WIF1: variants seen among roughly 807,000 people sequenced by gnomAD.
The protein encoded by WIF1 is Wnt inhibitory factor 1.
A neutral mutation model predicts 53.5 loss-of-function variants in WIF1; 35 were observed. That is an observed-to-expected ratio of 0.65 (90% confidence interval 0.50 to 0.87). WIF1 has a LOEUF of 0.87. Among genes scored for constraint, WIF1 ranks in the 40% least tolerant of loss-of-function variants. WIF1 has a pLI of 0.00. For synonymous variants in WIF1, 171 were observed against 170.4 expected, an observed-to-expected ratio of 1.00 and a Z score of -0.03; for missense variants, 467 against 476.8, an observed-to-expected ratio of 0.98 and a Z score of 0.19.
At chr12:65,062,722 C>T (rs1424275902) in intron 6 of WIF1, 146 bp from the exon 7 acceptor site, 2 of 731,866 alleles carry the variant, frequency 2.7e-6, no homozygotes, top group African/African-American at 1.8e-5. Flanking sequence ...TTTACAAATA[C>T]AAAATTTGTA....
At chr12:65,080,139 A>G (rs896577661) in intron 2 of WIF1, among the ~76,000 whole-genome samples, 5 of 152,178 alleles carry the variant, frequency 3.3e-5, no homozygotes, top group African/African-American at 1.2e-4. Context: ...CCATACTTGA[A>G]GTTAATTGAG....
chr12:65,076,739 C>T (rs188915222), intron 3 of WIF1, among the ~76,000 whole-genome samples: 4 of 152,028 alleles, frequency 2.6e-5, no homozygotes, highest in Admixed American at 2.6e-4. Context: ...TGTGATATTG[C>T]TATAGTCAAA....
chr12:65,092,708 G>A (rs141912826), intron 2 of WIF1, among the ~76,000 whole-genome samples: 1,566 of 152,016 alleles, frequency 0.01, 18 homozygotes, highest in Middle Eastern at 0.024. Context: ...TAAAAATAGC[G>A]AAGAGGCCAG....
chr12:65,080,521 G>A (rs1882930476), intron 2 of WIF1, among the ~76,000 whole-genome samples: 1 of 152,040 alleles, frequency 6.6e-6, no homozygotes, highest in Non-Finnish European at 1.5e-5. Context: ...CATGAATCCA[G>A]GTGTTTTAAA....
rs1258160886 is a variant in WIF1, at chr12:65,055,954, C to T, written c.922+77G>A. 20 of 1,333,556 alleles carry T rather than the reference C, an allele frequency of 1.5e-5. No homozygotes were observed. The East Asian group carries it at 3.0e-4, about 20-fold the overall frequency. The allele number at this position is 1,333,556 out of a possible 1,614,324, so 82.6% of individuals were successfully genotyped here. The stretch of plus-strand genomic sequence containing the variant: ...ATGCCCAGGCAACATGCACTAAGCA[C>T]GGAAGTATGTAGTGAGAGACTCCTG... On this transcript the variant is annotated intron_variant, in intron 8 of 9. Transcript: ENST00000286574.
At chr12:65,055,795 A>G (rs1186724655) in intron 8 of WIF1, among the ~76,000 whole-genome samples, 1 of 152,158 alleles carries the variant, frequency 6.6e-6, no homozygotes, top group East Asian at 1.9e-4. Context: ...ACAAAACAAA[A>G]CAAAGAAACC....
At chr12:65,054,540 T>G (rs1482795901) in intron 9 of WIF1, among the ~76,000 whole-genome samples, 2 of 152,118 alleles carry the variant, frequency 1.3e-5, no homozygotes, top group South Asian at 2.1e-4. Context: ...TGGTAGTAAA[T>G]TTTGAAAAAA....
chr12:65,060,030 A>AG (rs1474167604), intron 7 of WIF1, among the ~76,000 whole-genome samples: 3 of 151,908 alleles, frequency 2.0e-5, no homozygotes, highest in Non-Finnish European at 4.4e-5. Context: ...ATTTAAAAAA[A>AG]AAACAAAAAA....
At chr12:65,067,643 G>A in intron 5 of WIF1, 52 bp downstream of exon 5, 9 of 1,541,888 alleles carry the variant, frequency 5.8e-6, no homozygotes, top group Middle Eastern at 1.7e-4. Flanking sequence ...GCTCCTGCAC[G>A]ACATCCATGT....
At chr12:65,058,996 G>C (rs1243722386) in intron 7 of WIF1, among the ~76,000 whole-genome samples, 1 of 151,914 alleles carries the variant, frequency 6.6e-6, no homozygotes, top group African/African-American at 2.4e-5. Flanking sequence ...AGGTTGCAGA[G>C]AGCCAAGATG....
chr12:65,114,263 T>C (rs1305637399), intron 2 of WIF1, among the ~76,000 whole-genome samples: 5 of 152,100 alleles, frequency 3.3e-5, no homozygotes, highest in African/African-American at 1.2e-4. Context: ...ACGGGAAACT[T>C]GAGAGTGCAA....
chr12:65,065,883 A>G (rs1015308352), intron 6 of WIF1, among the ~76,000 whole-genome samples: 2 of 152,186 alleles, frequency 1.3e-5, no homozygotes, highest in African/African-American at 4.8e-5. Context: ...GAATTCACTT[A>G]CTAAGAGTAA....
chr12:65,095,038 T>A (rs1194482260), intron 2 of WIF1, among the ~76,000 whole-genome samples: 2 of 151,728 alleles, frequency 1.3e-5, no homozygotes, highest in Admixed American at 1.3e-4. Context: ...GCTCAAGCCA[T>A]CCTCTCACCT....
chr12:65,093,210 G>A (rs748920168), intron 2 of WIF1, among the ~76,000 whole-genome samples: 1 of 152,130 alleles, frequency 6.6e-6, no homozygotes, highest in African/African-American at 2.4e-5. Flanking sequence ...TAGCCTAGTG[G>A]TAGGTTTGCA....
At chr12:65,075,258 A>T (rs1224036174) in intron 3 of WIF1, among the ~76,000 whole-genome samples, 1 of 152,202 alleles carries the variant, frequency 6.6e-6, no homozygotes, top group Non-Finnish European at 1.5e-5. Flanking sequence ...GGAATGCAAC[A>T]AGGCAGATCC....
chr12:65,065,336 G>A (rs1180305510), intron 6 of WIF1, among the ~76,000 whole-genome samples: 1 of 152,006 alleles, frequency 6.6e-6, no homozygotes, highest in Non-Finnish European at 1.5e-5. Flanking sequence ...GGCTGAATTA[G>A]GTAGCCTGGG....
At chr12:65,117,418 G>A (rs905090998) in intron 2 of WIF1, among the ~76,000 whole-genome samples, 8 of 152,150 alleles carry the variant, frequency 5.3e-5, no homozygotes, top group Non-Finnish European at 1.2e-4. Context: ...ATTTGCATTT[G>A]TTTGAAGTGG....
At position 65,121,029 on chromosome 12, in the gene WIF1, AGGCGGG is replaced by A; in HGVS notation, c.148+9_148+14del. The A allele has an allele frequency of 6.9e-7, 1 of 1,446,862 alleles. No homozygotes were observed. The highest frequency in any genetic ancestry group is 9.2e-7 in the Non-Finnish European group (1 of 1,089,272). 89.6% of individuals were successfully genotyped at this position (1,446,862 alleles called of 1,614,324 possible). ...GGACATAGGCAGGGGAAGGCGCTGG[AGGCGGG>A]GGCCTTACCTATGAGTACTCTTGCC... On this transcript the variant is annotated intron_variant, in intron 1 of 9. Transcript: ENST00000286574.
At chr12:65,057,279 T>G (rs1882543651) in intron 7 of WIF1, among the ~76,000 whole-genome samples, 1 of 152,236 alleles carries the variant, frequency 6.6e-6, no homozygotes, top group Admixed American at 6.5e-5. Flanking sequence ...TTTCCTGGAA[T>G]GCCCTAGGTC....
Sources: allele counts gnomAD v4.1 joint callset (sites outside exome capture counted in the v4.1 genomes callset), GRCh38; gene constraint gnomAD v4.1.1; transcripts MANE v1.5; gene names NCBI Gene and HGNC (gene_info 2026-07-23, HGNC 2026-07-21).